The following ALG1 variants were observed in gnomAD, a reference collection of about 807,000 sequenced individuals.
The protein encoded by ALG1 is ALG1 chitobiosyldiphosphodolichol beta-mannosyltransferase, also known as chitobiosyldiphosphodolichol beta-mannosyltransferase.
In ALG1, 58 loss-of-function variants were observed where a neutral mutation model predicts 55.1. The ratio of observed to expected loss-of-function variants is 1.05; its 90% CI spans 0.85 to 1.31. The LOEUF (loss-of-function observed/expected upper bound fraction) is 1.31, where lower values mean the gene tolerates loss of function less well. ALG1 is among the 50% of genes most tolerant of loss of function. The probability of loss-of-function intolerance (pLI) is 0.00; values close to 1 mark genes in which losing one functional copy is unlikely to be tolerated. For missense variants in ALG1, 761 were observed against 598.6 expected (o/e 1.27, Z -2.83); for synonymous variants, 309 against 247.0 (o/e 1.25, Z -2.35).
chr16:5,082,146 T>C (rs8052053), intron 10 of ALG1, among the ~76,000 whole-genome samples: 16,337 of 151,900 alleles, frequency 0.11, 888 homozygotes, highest in Admixed American at 0.15. Flanking sequence ...GGTTTCACCA[T>C]GTGGGCCAGG....
At chr16:5,073,474 G>A in intron 3 of ALG1, 1 of 597,944 alleles carries the variant, frequency 1.7e-6, no homozygotes, top group Non-Finnish European at 3.0e-6. Context: ...TGTGTATCAA[G>A]TGTTTTCCAT....
chr16:5,078,358 C>G (rs1043933606), intron 6 of ALG1: 5 of 594,200 alleles, frequency 8.4e-6, no homozygotes, highest in Non-Finnish European at 1.6e-5. Flanking sequence ...AGGCCTGTGG[C>G]AGGATCTGTG....
chr16:5,082,499 G>C, intron 10 of ALG1, 60 bp from the exon 11 acceptor site: 1 of 1,549,480 alleles, frequency 6.5e-7, no homozygotes. Flanking sequence ...CACTGTGCTG[G>C]GAGGATTTGT....
chr16:5,079,125 G>A (rs1254752072), intron 8 of ALG1, 23 bp downstream of exon 8: 4 of 1,594,956 alleles, frequency 2.5e-6, no homozygotes, highest in Non-Finnish European at 3.4e-6. Flanking sequence ...CTGCGGTGAG[G>A]AGCTCTGGGC....
chr16:5,080,312 G>A (rs181087524), intron 9 of ALG1, among the ~76,000 whole-genome samples: 40 of 152,140 alleles, frequency 2.6e-4, no homozygotes, highest in African/African-American at 9.2e-4. Flanking sequence ...TGATCCACCC[G>A]CCTTGGCCTC....
chr16:5,073,515 C>T, intron 3 of ALG1: 4 of 533,204 alleles, frequency 7.5e-6, no homozygotes, highest in South Asian at 4.2e-5. Flanking sequence ...CACAGTTACC[C>T]TAAGAAATAT....
intron 9 of ALG1, 86 bp from the exon 10 acceptor site, chr16:5,080,860 C>T (rs1225873630): frequency 6.5e-7 from 1 of 1,534,304 alleles, no homozygotes; most frequent in Non-Finnish European, 8.9e-7. Context: ...GAAAGGGATC[C>T]CTCCTAGGGG....
chr16:5,075,897 CT>C (rs1442879278), intron 4 of ALG1, among the ~76,000 whole-genome samples: 6 of 152,196 alleles, frequency 3.9e-5, no homozygotes, highest in African/African-American at 1.2e-4. Context: ...TTCTGATTGG[CT>C]CATGTAGGTT....
At chr16:5,077,413 G>C (rs767439245) in intron 4 of ALG1, 32 bp from the exon 5 acceptor site, 7 of 1,592,950 alleles carry the variant, frequency 4.4e-6, no homozygotes, top group Admixed American at 3.3e-5. Flanking sequence ...GGCCTGTCTA[G>C]GGCTCTGCTG....
At chr16:5,080,057 G>T (rs1325998569) in intron 9 of ALG1, among the ~76,000 whole-genome samples, 4 of 147,462 alleles carry the variant, frequency 2.7e-5, no homozygotes, top group African/African-American at 1.0e-4. Flanking sequence ...TTTTGTTGTT[G>T]TTACGTCATT....
intron 11 of ALG1, among the ~76,000 whole-genome samples, chr16:5,083,090 A>G (rs1340264066): frequency 6.6e-6 from 1 of 152,124 alleles, no homozygotes; most frequent in South Asian, 2.1e-4. Context: ...CCAAGCTCAC[A>G]TGGTCGGTTT....
At chr16:5,075,669 C>G (rs943780963) in intron 4 of ALG1, 133 bp downstream of exon 4, 34 of 1,116,960 alleles carry the variant, frequency 3.0e-5, no homozygotes, top group Non-Finnish European at 4.0e-5. Flanking sequence ...GCTGGTGAAT[C>G]AGGCCGAATG....
At chr16:5,080,492 A>G (rs1273185243) in intron 9 of ALG1, among the ~76,000 whole-genome samples, 1 of 152,210 alleles carries the variant, frequency 6.6e-6, no homozygotes. Context: ...CGGTGTGGGA[A>G]GAGGCCGGGT....
At chr16:5,079,721 T>C (rs752123902) in intron 8 of ALG1, 27 bp from the exon 9 acceptor site, 2 of 1,609,422 alleles carry the variant, frequency 1.2e-6, no homozygotes, top group African/African-American at 2.7e-5. Flanking sequence ...AAATTCCATG[T>C]AGAATTGTTT....
intron 12 of ALG1, chr16:5,084,460 G>C (rs1445334962): frequency 5.3e-6 from 3 of 568,756 alleles, no homozygotes; most frequent in Non-Finnish European, 9.4e-6. Flanking sequence ...GCGTTGGCCA[G>C]AGGCCGAGAG....
Position 5,084,740 on chromosome 16 carries a change from T to A in ALG1, c.1264-10T>A. On this transcript the variant is annotated splice_polypyrimidine_tract_variant and intron_variant, in intron 12 of 12. Transcript: ENST00000262374. ...CAATGAGGTAAGCTCTGCTCTTTAT[T>A]TTTTTGCAGATGCTTTTCTCAAACT... 1 of 1,595,772 alleles carries A rather than the reference T, an allele frequency of 6.3e-7. No homozygotes were observed. Among genetic ancestry groups the A allele is most frequent in the Admixed American group, 1.7e-5 (1 of 59,946 alleles).
chr16:5,087,286 T>C lies in ALG1; in HGVS notation c.*2405T>C, dbSNP rs539902045. 1 of 152,314 alleles carries C rather than the reference T, an allele frequency of 6.6e-6. No homozygotes were observed. The highest frequency in any genetic ancestry group is 2.4e-5 in the African/African-American group (1 of 41,570). The allele number at this position is 152,314 out of a possible 1,614,324, so 9.4% of individuals were successfully genotyped here. The stretch of plus-strand genomic sequence containing the variant: ...TTACAGATTTGCGTTGGGCCGCAAG[T>C]TGGACAAGACTGCTATATGTATATT... On this transcript the variant is annotated 3_prime_UTR_variant, in exon 13 of 13. Transcript: ENST00000262374.
intron 4 of ALG1, 90 bp downstream of exon 4, chr16:5,075,626 G>T (rs1447133739): frequency 1.3e-6 from 2 of 1,521,680 alleles, no homozygotes; most frequent in African/African-American, 1.4e-5. Context: ...CCGGAAGTCG[G>T]TTCCTTGTGG....
At chr16:5,077,042 C>T (rs1177053368) in intron 4 of ALG1, among the ~76,000 whole-genome samples, 1 of 152,108 alleles carries the variant, frequency 6.6e-6, no homozygotes, top group African/African-American at 2.4e-5. Context: ...CGATCCACCT[C>T]CCAAAGTGCT....
Sources: allele counts gnomAD v4.1 joint callset (sites outside exome capture counted in the v4.1 genomes callset), GRCh38; gene constraint gnomAD v4.1.1; transcripts MANE v1.5; gene names NCBI Gene and HGNC (gene_info 2026-07-23, HGNC 2026-07-21).